Variants in PTPRK observed in about 807,000 individuals in gnomAD.
The protein encoded by PTPRK is protein tyrosine phosphatase receptor type K.
PTPRK carries 75 observed loss-of-function variants against 178.0 expected under a neutral mutation model. The observed-to-expected ratio is 0.42, with a 90% CI of 0.35 to 0.51. The LOEUF is 0.51. Ranked by LOEUF, PTPRK falls within the 20% of genes least tolerant of loss-of-function variation. The pLI is 0.02. For synonymous variants in PTPRK, 637 were observed against 620.6 expected (o/e 1.03, Z -0.39); for missense variants, 1,441 against 1,797.8 (o/e 0.80, Z 3.59).
rs1773660934 is a variant in PTPRK, at chr6:127,969,297, G to C, written c.*930C>G. 1 of 152,102 alleles carries C rather than the reference G, an allele frequency of 6.6e-6. No individual in the cohort carries two copies. The allele number at this position is 152,102 out of a possible 1,614,324, so 9.4% of individuals were successfully genotyped here. On this transcript the variant is annotated 3_prime_UTR_variant, in exon 30 of 30. Transcript: ENST00000368226. ...ATCACCAAACCATTATTTACCTAAT[G>C]AAATTGTGAAAAACTATACATATTC...
intron 13 of PTPRK, among the ~76,000 whole-genome samples, chr6:128,056,468 G>A (rs1226219586): frequency 3.4e-5 from 5 of 147,948 alleles, no homozygotes; most frequent in East Asian, 3.9e-4. Flanking sequence ...ACTATCTCCC[G>A]GGCTGGAGTG....
chr6:128,327,271 C>T (rs541460208), intron 2 of PTPRK, among the ~76,000 whole-genome samples: 1 of 152,152 alleles, frequency 6.6e-6, no homozygotes, highest in Non-Finnish European at 1.5e-5. Context: ...GATTTCCATA[C>T]TTTCTTCTAA....
intron 13 of PTPRK, among the ~76,000 whole-genome samples, chr6:128,063,770 C>T (rs575518115): frequency 2.6e-5 from 4 of 151,984 alleles, no homozygotes; most frequent in African/African-American, 9.7e-5. Flanking sequence ...TATTCACAAG[C>T]GTCAAAGAGA....
intron 1 of PTPRK, among the ~76,000 whole-genome samples, chr6:128,421,749 T>C (rs1843508390): frequency 6.6e-6 from 1 of 152,244 alleles, no homozygotes. Context: ...GAGTTGATTA[T>C]AAATGATGGA....
chr6:128,428,130 A>G (rs951436771), intron 1 of PTPRK, among the ~76,000 whole-genome samples: 4 of 152,126 alleles, frequency 2.6e-5, no homozygotes, highest in Non-Finnish European at 5.9e-5. Context: ...CATCCTTTCC[A>G]TGTACAGTGA....
intron 1 of PTPRK, among the ~76,000 whole-genome samples, chr6:128,443,018 T>C (rs1192586046): frequency 6.6e-6 from 1 of 152,148 alleles, no homozygotes; most frequent in African/African-American, 2.4e-5. Context: ...ACTTTAGTAA[T>C]TGGTTACCAT....
At chr6:128,417,152 T>A (rs1470810462) in intron 1 of PTPRK, among the ~76,000 whole-genome samples, 1 of 151,942 alleles carries the variant, frequency 6.6e-6, no homozygotes, top group Non-Finnish European at 1.5e-5. Flanking sequence ...TGGAAAGTAA[T>A]TCCTTTTTTT....
intron 2 of PTPRK, among the ~76,000 whole-genome samples, chr6:128,379,686 A>ATTT (rs1837605059): frequency 2.0e-5 from 3 of 152,142 alleles, no homozygotes; most frequent in African/African-American, 7.2e-5. Context: ...AATTTTTTAT[A>ATTT]TTTCCAAAAA....
intron 2 of PTPRK, among the ~76,000 whole-genome samples, chr6:128,387,262 C>T (rs1275215922): frequency 6.6e-6 from 1 of 152,064 alleles, no homozygotes; most frequent in Admixed American, 6.6e-5. Context: ...AAAAGTATGT[C>T]GCTTCATCTG....
chr6:128,390,889 T>C (rs1332162043), intron 2 of PTPRK, among the ~76,000 whole-genome samples: 1 of 152,146 alleles, frequency 6.6e-6, no homozygotes, highest in Non-Finnish European at 1.5e-5. Flanking sequence ...AGTACTTTCA[T>C]CTCAGAGATG....
chr6:128,410,984 G>A (rs1230656616), intron 1 of PTPRK, among the ~76,000 whole-genome samples: 1 of 152,142 alleles, frequency 6.6e-6, no homozygotes, highest in African/African-American at 2.4e-5. Context: ...CTCAACCTCT[G>A]GAGCTCAAGT....
chr6:128,424,468 T>C (rs1039275517), intron 1 of PTPRK, among the ~76,000 whole-genome samples: 1 of 152,168 alleles, frequency 6.6e-6, no homozygotes, highest in Admixed American at 6.5e-5. Context: ...ATCAGACTAG[T>C]AAGTAAATAA....
intron 1 of PTPRK, among the ~76,000 whole-genome samples, chr6:128,514,479 C>T (rs1857656483): frequency 6.6e-6 from 1 of 152,126 alleles, no homozygotes; most frequent in African/African-American, 2.4e-5. Context: ...CCACTACGCA[C>T]TATTTTATTT....
chr6:128,064,708 A>G, intron 13 of PTPRK, 50 bp downstream of exon 13: 1 of 1,556,164 alleles, frequency 6.4e-7, no homozygotes. Flanking sequence ...CTTCCATTTT[A>G]GAAAGGGGGT....
At chr6:128,453,642 G>T (rs1398317597) in intron 1 of PTPRK, among the ~76,000 whole-genome samples, 1 of 152,138 alleles carries the variant, frequency 6.6e-6, no homozygotes, top group African/African-American at 2.4e-5. Context: ...AAATCCATAT[G>T]CTCTGATAAA....
intron 1 of PTPRK, among the ~76,000 whole-genome samples, chr6:128,423,322 T>C (rs1843715561): frequency 3.3e-5 from 5 of 152,162 alleles, no homozygotes; most frequent in Admixed American, 3.3e-4. Flanking sequence ...GTCAGAACAA[T>C]TTAAAAATTA....
chr6:128,334,546 A>G (rs17055733), intron 2 of PTPRK, among the ~76,000 whole-genome samples: 17,788 of 152,214 alleles, frequency 0.12, 1,589 homozygotes, highest in African/African-American at 0.24. Context: ...GCTCTCCTGA[A>G]TAAGTAAATG....
rs575472968 is a variant in PTPRK, at chr6:128,263,747, G to A, written c.496-21145C>T. On this transcript the variant is annotated intron_variant, in intron 3 of 29. Transcript: ENST00000368226. ...TAGCATTTGAGAGTCTGTACAAGCC[G>A]CTCTTGCACACCAGTGGTGTGCCTG... 5.9e-5 allele frequency among the ~76,000 whole-genome samples: 9 copies of A among 152,218 alleles called. No individual in the cohort carries two copies. The South Asian group carries it at 1.7e-3, about 28-fold the overall frequency.
chr6:128,302,919 C>A (rs762993297), intron 3 of PTPRK, among the ~76,000 whole-genome samples: 4 of 151,918 alleles, frequency 2.6e-5, no homozygotes, highest in Non-Finnish European at 5.9e-5. Flanking sequence ...AAACCAGCAT[C>A]TTCAACCCCA....
Sources: allele counts gnomAD v4.1 joint callset (sites outside exome capture counted in the v4.1 genomes callset), GRCh38; gene constraint gnomAD v4.1.1; transcripts MANE v1.5; gene names NCBI Gene and HGNC (gene_info 2026-07-23, HGNC 2026-07-21).